The following SUFU variants were observed in gnomAD, a reference collection of about 807,000 sequenced individuals.
SUFU encodes the protein SUFU negative regulator of hedgehog signaling.
Under a neutral mutation model 58.9 loss-of-function variants are expected in SUFU, and 7 were observed. That is an observed-to-expected ratio of 0.12 (90% CI 0.07 to 0.22). The LOEUF (loss-of-function observed/expected upper bound fraction) is 0.22. SUFU is among the 10% of genes least tolerant of loss of function. The probability of loss-of-function intolerance (pLI) is 1.00; values close to 1 mark genes in which losing one functional copy is unlikely to be tolerated. For missense variants in SUFU, 451 were observed against 641.3 expected (o/e 0.70, Z 3.20); for synonymous variants, 232 against 254.8 (o/e 0.91, Z 0.85).
At chr10:102,612,045 A>C (rs1364451511) in intron 8 of SUFU, among the ~76,000 whole-genome samples, 2 of 152,248 alleles carry the variant, frequency 1.3e-5, no homozygotes, top group African/African-American at 4.8e-5. Context: ...GATTAAGCTG[A>C]CAACCATGCA....
intron 3 of SUFU, among the ~76,000 whole-genome samples, chr10:102,553,985 C>T (rs1055142719): frequency 1.3e-5 from 2 of 152,196 alleles, no homozygotes. Context: ...CCCAGCTACT[C>T]AGGAGGCTGA....
Position 102,625,151 on chromosome 10 carries a change from C to G in SUFU, c.1297-2024C>G, listed in dbSNP as rs2063774191. ...GAAACTGAACTTTTGGGGAGGACAC[C>G]CCTGGGATAAGAGAGTAGGAGGAGC... On this transcript the variant is annotated intron_variant, in intron 10 of 11. Coordinates refer to ENST00000369902, the MANE Select transcript of SUFU (RefSeq NM_016169.4). The surrounding 1 kb of genome is among the most constrained non-coding windows in gnomAD (Gnocchi z 4.7). 6.6e-6 allele frequency among the ~76,000 whole-genome samples: 1 copy of G among 152,114 alleles called. No individual in the cohort carries two copies. The highest frequency in any genetic ancestry group is 1.5e-5 in the Non-Finnish European group (1 of 68,032).
At chr10:102,627,026 A>G in intron 10 of SUFU, 149 bp from the exon 11 acceptor site, 6 of 803,658 alleles carry the variant, frequency 7.5e-6, no homozygotes, top group Non-Finnish European at 1.3e-5. Flanking sequence ...AGCTGGGGAC[A>G]GGCCTCAAAC....
chr10:102,602,250 A>G (rs1377493358), intron 8 of SUFU, among the ~76,000 whole-genome samples: 1 of 152,220 alleles, frequency 6.6e-6, no homozygotes, highest in African/African-American at 2.4e-5. Context: ...AAGGTTGGAA[A>G]GGGGTAGAGC....
chr10:102,513,987 C>G (rs1034945881), intron 2 of SUFU, among the ~76,000 whole-genome samples: 1 of 152,098 alleles, frequency 6.6e-6, no homozygotes, highest in Admixed American at 6.6e-5. Flanking sequence ...CTGGCTCAAA[C>G]GATCCTCCTA....
chr10:102,507,203 A>G (rs193029788), intron 1 of SUFU, among the ~76,000 whole-genome samples: 30 of 152,274 alleles, frequency 2.0e-4, no homozygotes, highest in Non-Finnish European at 3.1e-4. Flanking sequence ...TCTCTCCTTG[A>G]TGTGACACCT....
intron 2 of SUFU, among the ~76,000 whole-genome samples, chr10:102,542,139 G>GTTTT (rs112625444): frequency 7.3e-6 from 1 of 137,764 alleles, no homozygotes; most frequent in Non-Finnish European, 1.6e-5. Context: ...CCACCTTGGC[G>GTTTT]TTTTTTTTTT....
At chr10:102,565,366 T>C (rs199521975) in intron 3 of SUFU, among the ~76,000 whole-genome samples, 1 of 152,170 alleles carries the variant, frequency 6.6e-6, no homozygotes, top group Non-Finnish European at 1.5e-5. Flanking sequence ...CTGGGTCCTG[T>C]GCTCTGTGGC....
chr10:102,590,820 G>T (rs994185364), intron 3 of SUFU: 1 of 152,176 alleles, frequency 6.6e-6, no homozygotes, highest in African/African-American at 2.4e-5. Flanking sequence ...GAACATGCAG[G>T]TTGCTTGTAG....
At chr10:102,565,689 T>C (rs942495360) in intron 3 of SUFU, among the ~76,000 whole-genome samples, 4 of 152,094 alleles carry the variant, frequency 2.6e-5, no homozygotes, top group African/African-American at 9.7e-5. Flanking sequence ...GGACTACAGG[T>C]GCCCGCCACC....
intron 8 of SUFU, among the ~76,000 whole-genome samples, chr10:102,613,485 G>T (rs537320102): frequency 6.6e-6 from 1 of 152,368 alleles, no homozygotes; most frequent in South Asian, 2.1e-4. Context: ...TTCCCCTGGG[G>T]AGGTGCCCTG....
intron 3 of SUFU, among the ~76,000 whole-genome samples, chr10:102,555,865 C>T (rs1234590725): frequency 2.6e-5 from 4 of 152,180 alleles, no homozygotes; most frequent in Admixed American, 6.5e-5. Context: ...CTGTACAGAA[C>T]GTGTGTCATT....
intron 3 of SUFU, among the ~76,000 whole-genome samples, chr10:102,561,101 C>A (rs989303783): frequency 1.3e-5 from 2 of 152,188 alleles, no homozygotes; most frequent in Middle Eastern, 3.2e-3. Context: ...CCTTGGCCTC[C>A]CAAAGTGCTG....
At chr10:102,603,632 T>A (rs541122985) in intron 8 of SUFU, among the ~76,000 whole-genome samples, 144 of 152,038 alleles carry the variant, frequency 9.5e-4, no homozygotes, top group South Asian at 5.2e-3. Flanking sequence ...CTTTAAAAAA[T>A]TTTTTTTGCC....
chr10:102,606,073 G>C (rs1241471721), intron 8 of SUFU, among the ~76,000 whole-genome samples: 1 of 152,236 alleles, frequency 6.6e-6, no homozygotes, highest in Non-Finnish European at 1.5e-5. Context: ...CGTTCAGAGA[G>C]ACCAGGGTGG....
intron 10 of SUFU, among the ~76,000 whole-genome samples, chr10:102,621,223 C>T (rs151203189): frequency 2.3e-4 from 35 of 152,356 alleles, no homozygotes; most frequent in African/African-American, 3.4e-4. Context: ...CCTCCTTCCA[C>T]GGGTGAACCC....
intron 2 of SUFU, among the ~76,000 whole-genome samples, chr10:102,510,808 G>A (rs1293246423): frequency 6.7e-6 from 1 of 149,188 alleles, no homozygotes; most frequent in Non-Finnish European, 1.5e-5. Flanking sequence ...GGGCAACAGA[G>A]TGAAACTGTG....
intron 3 of SUFU, among the ~76,000 whole-genome samples, chr10:102,568,497 A>G (rs2063116860): frequency 6.6e-6 from 1 of 152,194 alleles, no homozygotes; most frequent in South Asian, 2.1e-4. Flanking sequence ...TCTATACAAA[A>G]AATAGGCAGT....
chr10:102,608,395 A>G (rs1205921222), intron 8 of SUFU, among the ~76,000 whole-genome samples: 1 of 152,248 alleles, frequency 6.6e-6, no homozygotes, highest in Non-Finnish European at 1.5e-5. Context: ...GAGCTGTTAC[A>G]GTTTACCCTG....
Sources: gnomAD v4.1 joint callset for allele counts (sites outside exome capture counted in the v4.1 genomes callset) on GRCh38, gnomAD v4.1.1 for gene constraint, Gnocchi (gnomAD v3.1) non-coding constraint, MANE v1.5 for transcripts, NCBI Gene and HGNC (gene_info 2026-07-23, HGNC 2026-07-21) for gene names.